CEMIP2: variants seen among roughly 807,000 people sequenced by gnomAD.
CEMIP2 encodes the protein cell surface hyaluronidase CEMIP2.
CEMIP2 carries 79 observed loss-of-function variants against 146.9 expected under a neutral mutation model. That is an observed-to-expected ratio of 0.54 (90% CI 0.45 to 0.65). The LOEUF is 0.65. Among genes scored for constraint, CEMIP2 ranks in the 30% least tolerant of loss-of-function variants. CEMIP2 has a pLI of 0.00. For missense variants in CEMIP2, 1,596 were observed against 1,696.2 expected, an observed-to-expected ratio of 0.94 and a Z score of 1.04; for synonymous variants, 601 against 606.3, an observed-to-expected ratio of 0.99 and a Z score of 0.13.
chr9:71,730,294 A>C (rs1181687138), intron 8 of CEMIP2, 41 bp from the exon 9 acceptor site: 3 of 1,584,158 alleles, frequency 1.9e-6, no homozygotes, highest in Non-Finnish European at 1.7e-6. Context: ...GGTAACAAGA[A>C]TGATTGTGAT....
intron 18 of CEMIP2, 77 bp from the exon 19 acceptor site, chr9:71,700,901 C>G: frequency 1.5e-6 from 2 of 1,311,906 alleles, no homozygotes; most frequent in Non-Finnish European, 2.0e-6. Flanking sequence ...ATGCAGATAA[C>G]TGTCCTTCAT....
chr9:71,765,365 C>T (rs1824759835), intron 1 of CEMIP2, among the ~76,000 whole-genome samples: 1 of 152,202 alleles, frequency 6.6e-6, no homozygotes, highest in South Asian at 2.1e-4. Context: ...TATATTAATA[C>T]ATAGCAAACT....
chr9:71,707,262 C>T (rs79764890), intron 17 of CEMIP2, among the ~76,000 whole-genome samples: 16,014 of 152,102 alleles, frequency 0.11, 910 homozygotes, highest in Admixed American at 0.14. Flanking sequence ...ACATTATAAA[C>T]CATGTTCCTT....
chr9:71,755,345 CTACACA>C (rs1471303676), intron 1 of CEMIP2, among the ~76,000 whole-genome samples: 7 of 70,300 alleles, frequency 1.0e-4, no homozygotes, highest in African/African-American at 4.4e-4. Context: ...CACCCTGTCT[CTACACA>C]CACACACACA....
intron 20 of CEMIP2, 52 bp downstream of exon 20, chr9:71,697,933 A>T: frequency 6.4e-7 from 1 of 1,565,798 alleles, no homozygotes; most frequent in Non-Finnish European, 8.7e-7. Context: ...ATTGCAAAGA[A>T]ACCCTCTGAC....
intron 5 of CEMIP2, among the ~76,000 whole-genome samples, chr9:71,739,104 A>G (rs1823842217): frequency 2.0e-5 from 3 of 152,130 alleles, no homozygotes; most frequent in African/African-American, 7.2e-5. Context: ...CACTGAGAAC[A>G]TGAGACATGA....
At chr9:71,729,342 G>A (rs868686133) in intron 10 of CEMIP2, among the ~76,000 whole-genome samples, 6 of 151,950 alleles carry the variant, frequency 3.9e-5, no homozygotes, top group African/African-American at 4.8e-5. Context: ...GGCACAGGCC[G>A]GGCGTGGTGG....
rs866328021 is a variant in CEMIP2, at chr9:71,715,068, A to G, written c.2457T>C (p.Asp819=). ...TFASDGSFPS[D]EGSSQEVSES... is the part of the protein sequence containing the mutation. ...CAGATACCTCTTGGCTGGAACCTTC[A>G]TCACTTGGGAAGCTTCCATCACTGT... Residue 819 remains aspartate (D), a synonymous_variant, in exon 15 of 24, where the codon GAT becomes GAC. Transcript: ENST00000377044. 1 of 1,613,694 alleles carries G rather than the reference A, an allele frequency of 6.2e-7. No homozygotes were observed. The highest frequency in any genetic ancestry group is 1.3e-5 in the African/African-American group (1 of 74,872).
At chr9:71,696,097 A>C (rs1822393550) in intron 20 of CEMIP2, among the ~76,000 whole-genome samples, 1 of 152,210 alleles carries the variant, frequency 6.6e-6, no homozygotes, top group Non-Finnish European at 1.5e-5. Context: ...ACAAAAGATA[A>C]AGAATGCTAA....
chr9:71,700,915 C>T, intron 18 of CEMIP2, 91 bp from the exon 19 acceptor site: 1 of 1,093,538 alleles, frequency 9.1e-7, no homozygotes, highest in East Asian at 2.7e-5. Flanking sequence ...CCTTCATGTG[C>T]CACTTCTTCC....
At chr9:71,768,803 C>T (rs1824882751), upstream of CEMIP2, 1 of 149,204 alleles carries the variant, frequency 6.7e-6, no homozygotes, top group Non-Finnish European at 1.5e-5. Context: ...TCGCTCTTGT[C>T]CCTGGTCGGC....
At chr9:71,693,139 A>G (rs1356094907) in intron 21 of CEMIP2, among the ~76,000 whole-genome samples, 1 of 152,234 alleles carries the variant, frequency 6.6e-6, no homozygotes, top group Non-Finnish European at 1.5e-5. Flanking sequence ...AAATTAAGAA[A>G]AAAAGTAAAA....
At chr9:71,763,474 T>C (rs1055881731) in intron 1 of CEMIP2, among the ~76,000 whole-genome samples, 4 of 152,196 alleles carry the variant, frequency 2.6e-5, no homozygotes, top group African/African-American at 9.6e-5. Flanking sequence ...ATTTCAACTC[T>C]TTCAGGCAAC....
intron 22 of CEMIP2, among the ~76,000 whole-genome samples, chr9:71,688,570 TAG>T (rs1822139019): frequency 6.6e-6 from 1 of 151,898 alleles, no homozygotes; most frequent in East Asian, 1.9e-4. Flanking sequence ...GTATTTTTAG[TAG>T]AGATGAGGTT....
intron 17 of CEMIP2, among the ~76,000 whole-genome samples, chr9:71,708,044 G>C (rs949830107): frequency 3.9e-5 from 6 of 152,266 alleles, no homozygotes; most frequent in African/African-American, 1.4e-4. Context: ...AAAACTAGCC[G>C]GGCATGGTGG....
intron 21 of CEMIP2, 31 bp from the exon 22 acceptor site, chr9:71,690,277 T>A: frequency 2.5e-6 from 4 of 1,604,850 alleles, no homozygotes; most frequent in Non-Finnish European, 3.4e-6. Flanking sequence ...TCTGCTGTCA[T>A]CATCATTTTG....
At chr9:71,701,417 T>C (rs1029606148) in intron 18 of CEMIP2, among the ~76,000 whole-genome samples, 2 of 152,196 alleles carry the variant, frequency 1.3e-5, no homozygotes, top group East Asian at 1.9e-4. Flanking sequence ...TAAAAATTCT[T>C]AGTTTTAAGA....
At chr9:71,737,391 G>C in intron 5 of CEMIP2, among the ~76,000 whole-genome samples, 1 of 147,790 alleles carries the variant, frequency 6.8e-6, no homozygotes, top group East Asian at 2.0e-4. Context: ...CTGGGTGACA[G>C]AGCGAGACTC....
At chr9:71,748,330 C>T (rs565980260) in intron 2 of CEMIP2, among the ~76,000 whole-genome samples, 33 of 152,170 alleles carry the variant, frequency 2.2e-4, no homozygotes, top group African/African-American at 7.2e-4. Context: ...TCCCAGCTAC[C>T]CACTTGAAGA....
Sources: allele counts gnomAD v4.1 joint callset (sites outside exome capture counted in the v4.1 genomes callset), GRCh38; gene constraint gnomAD v4.1.1; transcripts MANE v1.5; gene names NCBI Gene and HGNC (gene_info 2026-07-23, HGNC 2026-07-21).